HSD17B12: variants seen among roughly 807,000 people sequenced by gnomAD.
HSD17B12 encodes hydroxysteroid 17-beta dehydrogenase 12, also known as very-long-chain 3-oxoacyl-CoA reductase.
A neutral mutation model predicts 39.3 loss-of-function variants in HSD17B12; 32 were observed. The ratio of observed to expected loss-of-function variants is 0.81; its 90% CI spans 0.61 to 1.09. The LOEUF (loss-of-function observed/expected upper bound fraction) is 1.09, where lower values mean the gene tolerates loss of function less well. Ranked by LOEUF, HSD17B12 falls within the 50% of genes least tolerant of loss-of-function variation. The probability of loss-of-function intolerance (pLI) is 0.00; values close to 1 mark genes in which losing one functional copy is unlikely to be tolerated. For missense variants in HSD17B12, 342 were observed against 382.9 expected (o/e 0.89, Z 0.89); for synonymous variants, 150 against 146.7 (o/e 1.02, Z -0.16).
intron 9 of HSD17B12, among the ~76,000 whole-genome samples, chr11:43,849,414 A>G (rs560128528): frequency 2.6e-5 from 4 of 152,230 alleles, no homozygotes; most frequent in African/African-American, 9.6e-5. Context: ...ATGACCCTCA[A>G]TGTTCTGATT....
At chr11:43,719,366 G>A (rs1950155461) in intron 1 of HSD17B12, among the ~76,000 whole-genome samples, 1 of 152,096 alleles carries the variant, frequency 6.6e-6, no homozygotes, top group South Asian at 2.1e-4. Context: ...TAGCATCATA[G>A]GAAAACCAGA....
At chr11:43,680,621 C>T (rs946252822), upstream of HSD17B12, 1 of 583,170 alleles carries the variant, frequency 1.7e-6, no homozygotes, top group East Asian at 3.0e-5. Flanking sequence ...GAACTGGAGT[C>T]AGCTAATGGC....
At chr11:43,778,007 GAC>G (rs1007764204) in intron 3 of HSD17B12, among the ~76,000 whole-genome samples, 7 of 151,930 alleles carry the variant, frequency 4.6e-5, no homozygotes, top group African/African-American at 1.7e-4. Context: ...AGGAAATAGA[GAC>G]ACAAAAAAAC....
chr11:43,576,832 C>G, the HSD17B12 span, among the ~76,000 whole-genome samples: 1 of 152,016 alleles, frequency 6.6e-6, no homozygotes, highest in Non-Finnish European at 1.5e-5. Flanking sequence ...TCTTGCAGAG[C>G]CGGGAATCAC....
rs951377769 is a variant in HSD17B12, at chr11:43,744,661, C to G, written c.161-6250C>G. Reference sequence around the variant, plus strand: ...GATCCTAGATCAGAAAAAGGACATTCAGTAACAAGTAAGGAAATCTGAATA... The same window carrying G: ...GATCCTAGATCAGAAAAAGGACATTGAGTAACAAGTAAGGAAATCTGAATA... On this transcript the variant is annotated intron_variant, in intron 1 of 10. Coordinates refer to ENST00000278353, the MANE Select transcript of HSD17B12 (RefSeq NM_016142.3). Among the ~76,000 whole-genome samples, 9 of 152,248 alleles carry G rather than the reference C, an allele frequency of 5.9e-5. No homozygotes were observed. The South Asian group carries it at 1.9e-3, about 32-fold the overall frequency.
At chr11:43,826,388 A>G (rs2135101153) in intron 6 of HSD17B12, among the ~76,000 whole-genome samples, 1 of 152,172 alleles carries the variant, frequency 6.6e-6, no homozygotes, top group South Asian at 2.1e-4. Flanking sequence ...CGGCTGGTAT[A>G]TGCATTCTTT....
chr11:43,742,751 TGTGTGTGTG>T (rs1950380348), intron 1 of HSD17B12, among the ~76,000 whole-genome samples: 1 of 151,430 alleles, frequency 6.6e-6, no homozygotes, highest in East Asian at 1.9e-4. Flanking sequence ...CCAGTTTTTT[TGTGTGTGTG>T]TTTTTTTTTT....
intron 3 of HSD17B12, among the ~76,000 whole-genome samples, chr11:43,762,118 G>A (rs1015526543): frequency 1.3e-5 from 2 of 152,192 alleles, no homozygotes; most frequent in African/African-American, 2.4e-5. Context: ...TTCCAAGAGC[G>A]TTCATTGCAA....
intron 1 of HSD17B12, among the ~76,000 whole-genome samples, chr11:43,684,955 A>G (rs1490539784): frequency 6.6e-6 from 1 of 152,216 alleles, no homozygotes; most frequent in African/African-American, 2.4e-5. Flanking sequence ...GAATCATACA[A>G]TAGGTGTTCT....
At chr11:43,630,300 T>C in the HSD17B12 span, among the ~76,000 whole-genome samples, 2 of 152,152 alleles carry the variant, frequency 1.3e-5, no homozygotes, top group African/African-American at 4.8e-5. Context: ...AAAGTGAAAA[T>C]TGGACTAGAT....
At chr11:43,772,958 A>G (rs1950663969) in intron 3 of HSD17B12, among the ~76,000 whole-genome samples, 1 of 152,092 alleles carries the variant, frequency 6.6e-6, no homozygotes, top group South Asian at 2.1e-4. Context: ...AAAAATACAA[A>G]AAAATAGCTG....
At chr11:43,816,009 A>G (rs1951119187) in intron 5 of HSD17B12, among the ~76,000 whole-genome samples, 1 of 152,212 alleles carries the variant, frequency 6.6e-6, no homozygotes, top group African/African-American at 2.4e-5. Flanking sequence ...AAATTATTGA[A>G]AATCCTAGGT....
chr11:43,639,679 A>G, the HSD17B12 span, among the ~76,000 whole-genome samples: 4 of 152,072 alleles, frequency 2.6e-5, no homozygotes, highest in African/African-American at 4.8e-5. Flanking sequence ...AAAAAAAGAG[A>G]AAAAGAAAAA....
chr11:43,635,370 A>G, the HSD17B12 span, among the ~76,000 whole-genome samples: 5 of 152,254 alleles, frequency 3.3e-5, no homozygotes, highest in African/African-American at 1.2e-4. Context: ...ATGGTAACAC[A>G]TAAACTAATA....
intron 3 of HSD17B12, among the ~76,000 whole-genome samples, chr11:43,769,780 T>A (rs534263199): frequency 1.3e-5 from 2 of 152,336 alleles, no homozygotes; most frequent in Admixed American, 1.3e-4. Flanking sequence ...TGTGCCTGGA[T>A]GTTAGACCAG....
chr11:43,648,510 T>G, the HSD17B12 span, among the ~76,000 whole-genome samples: 2 of 152,160 alleles, frequency 1.3e-5, no homozygotes, highest in African/African-American at 4.8e-5. Flanking sequence ...TTTGGCCGTT[T>G]CAGAAGAAAT....
chr11:43,851,591 T>A (rs117272505), intron 9 of HSD17B12, among the ~76,000 whole-genome samples: 35 of 152,346 alleles, frequency 2.3e-4, no homozygotes, highest in Admixed American at 7.2e-4. Flanking sequence ...ATTCATATTA[T>A]CAACTTCTTG....
chr11:43,648,602 A>G, the HSD17B12 span, among the ~76,000 whole-genome samples: 1 of 152,260 alleles, frequency 6.6e-6, no homozygotes, highest in East Asian at 1.9e-4. Context: ...TTGAATTCAC[A>G]TAAAAGAATC....
At chr11:43,836,801 C>T (rs1305208539) in intron 7 of HSD17B12, among the ~76,000 whole-genome samples, 6 of 151,916 alleles carry the variant, frequency 3.9e-5, no homozygotes, top group East Asian at 1.9e-4. Flanking sequence ...TTTTTATGTT[C>T]GAATTGTTGG....
Sources: allele counts gnomAD v4.1 joint callset (sites outside exome capture counted in the v4.1 genomes callset), GRCh38; gene constraint gnomAD v4.1.1; transcripts MANE v1.5; gene names NCBI Gene and HGNC (gene_info 2026-07-23, HGNC 2026-07-21).